The following DLG2 variants were observed in gnomAD, a reference collection of about 807,000 sequenced individuals.
The protein encoded by DLG2 is disks large homolog 2.
DLG2 carries 45 observed loss-of-function variants against 132.5 expected under a neutral mutation model. The ratio of observed to expected loss-of-function variants is 0.34; its 90% confidence interval spans 0.27 to 0.44. DLG2 has a LOEUF of 0.44. Among genes scored for constraint, DLG2 ranks in the 20% least tolerant of loss-of-function variants. The probability of loss-of-function intolerance (pLI) is 1.00; values close to 1 mark genes in which losing one functional copy is unlikely to be tolerated. For missense variants in DLG2, 1,045 were observed against 1,196.9 expected (o/e 0.87, Z 1.87); for synonymous variants, 424 against 419.6 (o/e 1.01, Z -0.13).
intron 10 of DLG2, among the ~76,000 whole-genome samples, chr11:84,079,065 T>C (rs117860490): frequency 0.011 from 1,689 of 152,222 alleles, 9 homozygotes; most frequent in Middle Eastern, 0.031. Flanking sequence ...CAGCACCTGA[T>C]ATGGGGCCCA....
At chr11:85,015,758 T>C (rs1208210674) in intron 6 of DLG2, among the ~76,000 whole-genome samples, 1 of 152,182 alleles carries the variant, frequency 6.6e-6, no homozygotes, top group African/African-American at 2.4e-5. Context: ...ATTTATCTTC[T>C]GTGTCAAGAA....
chr11:84,783,851 A>T (rs12362813), intron 6 of DLG2, among the ~76,000 whole-genome samples: 40,480 of 151,750 alleles, frequency 0.27, 5,886 homozygotes, highest in Admixed American at 0.31. Context: ...GCTATTATTT[A>T]GCTCAGTAAA....
intron 9 of DLG2, among the ~76,000 whole-genome samples, chr11:84,105,235 G>A (rs1188244236): frequency 6.6e-6 from 1 of 152,172 alleles, no homozygotes; most frequent in Admixed American, 6.6e-5. Context: ...ATACGGTTTA[G>A]TGGAAAAACA....
intron 6 of DLG2, among the ~76,000 whole-genome samples, chr11:85,110,622 C>G (rs2072567227): frequency 6.6e-6 from 1 of 152,004 alleles, no homozygotes; most frequent in Non-Finnish European, 1.5e-5. Context: ...AAGGTGATCC[C>G]ACTTTCTCCC....
intron 6 of DLG2, among the ~76,000 whole-genome samples, chr11:84,834,863 C>T (rs541727315): frequency 5.3e-5 from 8 of 150,334 alleles, no homozygotes; most frequent in Admixed American, 4.0e-4. Flanking sequence ...ATTTCCTAAC[C>T]TATGTTTCAT....
intron 8 of DLG2, among the ~76,000 whole-genome samples, chr11:84,220,145 C>T (rs150335290): frequency 1.4e-3 from 220 of 152,236 alleles, no homozygotes; most frequent in African/African-American, 5.0e-3. Flanking sequence ...TTAATGTGTT[C>T]GTATATTCAT....
intron 6 of DLG2, among the ~76,000 whole-genome samples, chr11:85,097,107 C>G (rs2069963998): frequency 6.6e-6 from 1 of 152,164 alleles, no homozygotes; most frequent in Non-Finnish European, 1.5e-5. Flanking sequence ...GGTCCTAACG[C>G]CTGTCAGACA....
chr11:85,023,831 T>C (rs1003169111), intron 6 of DLG2, among the ~76,000 whole-genome samples: 2 of 152,130 alleles, frequency 1.3e-5, no homozygotes, highest in Non-Finnish European at 2.9e-5. Flanking sequence ...TATTATTTCA[T>C]ATCCTCATTA....
At chr11:83,672,408 C>A (rs546097050) in intron 18 of DLG2, among the ~76,000 whole-genome samples, 1 of 152,220 alleles carries the variant, frequency 6.6e-6, no homozygotes, top group South Asian at 2.1e-4. Context: ...AACTCCTGAC[C>A]TCAGGTGATC....
chr11:85,317,800 T>C (rs1190173756), intron 3 of DLG2, among the ~76,000 whole-genome samples: 1 of 151,812 alleles, frequency 6.6e-6, no homozygotes, highest in Non-Finnish European at 1.5e-5. Context: ...GAAAAATAAC[T>C]AATGAGTACT....
At chr11:84,326,362 A>G (rs897684854) in intron 7 of DLG2, among the ~76,000 whole-genome samples, 1 of 152,068 alleles carries the variant, frequency 6.6e-6, no homozygotes, top group African/African-American at 2.4e-5. Context: ...GGAAGTGTAT[A>G]TTAATACAAA....
In DLG2 at chr11:84,402,881, C is replaced by CAAAAAAAAAAAAAAAAAAAAA. The variant is rs34476380; in HGVS notation, c.519+131688_519+131689insTTTTTTTTTTTTTTTTTTTTT. Among the ~76,000 whole-genome samples, 143 of 73,848 alleles carry CAAAAAAAAAAAAAAAAAAAAA rather than the reference C, an allele frequency of 1.9e-3. 5 individuals are homozygous for CAAAAAAAAAAAAAAAAAAAAA. Among genetic ancestry groups the CAAAAAAAAAAAAAAAAAAAAA allele is most frequent in the African/African-American group, 4.5e-3 (43 of 9,546 alleles). The allele number at this position is 73,848 out of a possible 152,430, so 48.4% of individuals were successfully genotyped here. A position where few individuals can be genotyped will look rare whatever the true frequency, so the allele number is the denominator to read the frequency against. On this transcript the variant is annotated intron_variant, in intron 7 of 27. Transcript: ENST00000376104. ...TGGGCGACAGAGCGAAACTCCGTCT[C>CAAAAAAAAAAAAAAAAAAAAA]AAAAAAAAAAAAAAAAAAAATTAAC...
intron 6 of DLG2, among the ~76,000 whole-genome samples, chr11:84,969,344 G>A (rs748881789): frequency 1.3e-5 from 2 of 152,128 alleles, no homozygotes; most frequent in Non-Finnish European, 1.5e-5. Flanking sequence ...GTCTGAGACT[G>A]CTACTTACGT....
intron 7 of DLG2, among the ~76,000 whole-genome samples, chr11:84,280,198 G>T (rs1333288939): frequency 6.6e-6 from 1 of 152,030 alleles, no homozygotes; most frequent in Non-Finnish European, 1.5e-5. Context: ...AATATCCAAA[G>T]ATCAATTGTG....
In DLG2 at chr11:83,874,452, T is replaced by C; in HGVS notation, c.1533A>G (p.Ser511=). The C allele has an allele frequency of 6.2e-7, 1 of 1,602,054 alleles. No homozygotes were observed. Among genetic ancestry groups the C allele is most frequent in the African/African-American group, 1.3e-5 (1 of 74,844 alleles). The change falls in exon 16 of 28, where the codon TCA becomes TCG. Residue 511 remains serine (S), a synonymous_variant. Transcript: ENST00000376104. Reference sequence around the variant, plus strand: ...GGGAGACGGCCCGTTGGAGAGTCATTGAAGGCTGACGAGTTGCGGTGCTAT... The same window carrying C: ...GGGAGACGGCCCGTTGGAGAGTCATCGAAGGCTGACGAGTTGCGGTGCTAT... The part of the protein sequence containing the change: ...SQHSTATRQP[S]MTLQRAVSLE...
At chr11:83,668,481 A>C (rs2076122527) in intron 18 of DLG2, among the ~76,000 whole-genome samples, 1 of 152,120 alleles carries the variant, frequency 6.6e-6, no homozygotes, top group Admixed American at 6.5e-5. Flanking sequence ...CATTCAGAGA[A>C]GTTTTTCTTA....
At chr11:85,014,823 G>T (rs907116097) in intron 6 of DLG2, among the ~76,000 whole-genome samples, 1 of 152,076 alleles carries the variant, frequency 6.6e-6, no homozygotes, top group Non-Finnish European at 1.5e-5. Context: ...TATGCCTCTG[G>T]AGAAAATCAA....
At chr11:85,397,462 G>A (rs777239186) in intron 3 of DLG2, among the ~76,000 whole-genome samples, 20 of 152,074 alleles carry the variant, frequency 1.3e-4, no homozygotes, top group Non-Finnish European at 2.5e-4. Context: ...CAAAATGCCC[G>A]ATTTAAAAGA....
In DLG2 at chr11:84,380,769, G is replaced by A. The variant is rs564072082; in HGVS notation, c.520-129478C>T. Among the ~76,000 whole-genome samples, 4 of 151,956 alleles carry A rather than the reference G, an allele frequency of 2.6e-5. No individual in the cohort carries two copies. In the East Asian group the frequency reaches 5.8e-4, roughly 22 times the overall value. ...AAATACAATAGAGAAAATCAGCAAGGCCCAATTTAGTGTTTTCATAACAAA... is the reference window on the plus strand; with the variant it reads ...AAATACAATAGAGAAAATCAGCAAGACCCAATTTAGTGTTTTCATAACAAA... On this transcript the variant is annotated intron_variant, in intron 7 of 27. Transcript: ENST00000376104.
Sources: allele counts gnomAD v4.1 joint callset (sites outside exome capture counted in the v4.1 genomes callset), GRCh38; gene constraint gnomAD v4.1.1; transcripts MANE v1.5; gene names NCBI Gene and HGNC (gene_info 2026-07-23, HGNC 2026-07-21).